Variants in PITPNC1 observed in about 807,000 individuals in gnomAD.
PITPNC1 encodes cytoplasmic phosphatidylinositol transfer protein 1.
In PITPNC1, 18 loss-of-function variants were observed where a neutral mutation model predicts 44.7. The ratio of observed to expected loss-of-function variants is 0.40; its 90% confidence interval spans 0.28 to 0.60. PITPNC1 has a LOEUF of 0.60. Among genes scored for constraint, PITPNC1 ranks in the 20% least tolerant of loss-of-function variants. The pLI is 0.39. For synonymous variants in PITPNC1, 141 were observed against 149.6 expected, an observed-to-expected ratio of 0.94 and a Z score of 0.42; for missense variants, 290 against 418.4, an observed-to-expected ratio of 0.69 and a Z score of 2.68.
At chr17:67,663,244 A>G (rs2144390101) in intron 6 of PITPNC1, among the ~76,000 whole-genome samples, 1 of 152,328 alleles carries the variant, frequency 6.6e-6, no homozygotes, top group Non-Finnish European at 1.5e-5. Context: ...TCACCCAGGA[A>G]AGAATTCAAG....
At chr17:67,443,454 T>G (rs2039045261) in intron 1 of PITPNC1, among the ~76,000 whole-genome samples, 2 of 151,918 alleles carry the variant, frequency 1.3e-5, no homozygotes, top group African/African-American at 4.8e-5. Flanking sequence ...GACTGTGATT[T>G]ATCTGTTTAC....
chr17:67,525,909 C>T (rs1448220322), intron 1 of PITPNC1, among the ~76,000 whole-genome samples: 5 of 152,128 alleles, frequency 3.3e-5, no homozygotes, highest in Non-Finnish European at 7.4e-5. Context: ...TGTGATTTCA[C>T]GTGAAATCAG....
At chr17:67,659,422 C>T (rs2042311962) in intron 6 of PITPNC1, among the ~76,000 whole-genome samples, 1 of 152,188 alleles carries the variant, frequency 6.6e-6, no homozygotes, top group Non-Finnish European at 1.5e-5. Flanking sequence ...CATGGTCTCA[C>T]CACATGGCTA....
At chr17:67,621,418 G>T (rs2041828907) in intron 5 of PITPNC1, among the ~76,000 whole-genome samples, 1 of 152,020 alleles carries the variant, frequency 6.6e-6, no homozygotes, top group Non-Finnish European at 1.5e-5. Context: ...ATGTTGGCCA[G>T]GCTGGTCTCA....
intron 1 of PITPNC1, among the ~76,000 whole-genome samples, chr17:67,453,824 A>G (rs1420327002): frequency 6.6e-6 from 1 of 152,192 alleles, no homozygotes; most frequent in African/African-American, 2.4e-5. Flanking sequence ...CATGGTAGAA[A>G]TGTGGCCTCA....
At chr17:67,432,482 CGAGA>C (rs1415710869) in intron 1 of PITPNC1, among the ~76,000 whole-genome samples, 4 of 151,844 alleles carry the variant, frequency 2.6e-5, no homozygotes, top group African/African-American at 9.7e-5. Context: ...CCAGCATGAG[CGAGA>C]GAGTGAGACT....
intron 1 of PITPNC1, among the ~76,000 whole-genome samples, chr17:67,401,778 G>T (rs892737322): frequency 1.3e-5 from 2 of 151,992 alleles, no homozygotes; most frequent in African/African-American, 4.8e-5. Context: ...AGGAGGCGGA[G>T]GTTGCAGTTA....
rs929551089 is a variant in PITPNC1 at position 67,498,975 on chromosome 17, G to A, written c.49-33827G>A. On this transcript the variant is annotated intron_variant, in intron 1 of 8. Coordinates refer to ENST00000581322, the MANE Select transcript of PITPNC1 (RefSeq NM_012417.4). The stretch of plus-strand genomic sequence containing the variant: ...CAACCTCTGCCTCCCAGGTTCAAGC[G>A]ATTCTGTTGCCTCAGCCTCCAGAGT... 1.8e-4 allele frequency among the ~76,000 whole-genome samples: 28 copies of A among 151,608 alleles called. 1 individual carries two copies. Among genetic ancestry groups the A allele is most frequent in the African/African-American group, 5.1e-4 (21 of 41,320 alleles).
At chr17:67,385,560 C>G (rs1234978478) in intron 1 of PITPNC1, among the ~76,000 whole-genome samples, 11 of 151,188 alleles carry the variant, frequency 7.3e-5, no homozygotes, top group Admixed American at 7.3e-4. Flanking sequence ...GCTGTTCACA[C>G]TAAATCTTCC....
rs575596769 is a variant in PITPNC1 at position 67,648,422 on chromosome 17, G to A, written c.462+16184G>A. ...AGGTTCTAATAAGCTCCCTTTATGG[G>A]AGGAGCTGGGTTCTTGGCCTCTCAC... is the stretch of plus-strand genomic sequence containing the variant. On this transcript the variant is annotated intron_variant, in intron 6 of 8. Coordinates refer to ENST00000581322, the MANE Select transcript of PITPNC1 (RefSeq NM_012417.4). 2.6e-5 allele frequency among the ~76,000 whole-genome samples: 4 copies of A among 152,340 alleles called. No individual in the cohort carries two copies. The South Asian group carries it at 8.3e-4, about 32-fold the overall frequency.
At chr17:67,544,197 G>T (rs1005402679) in intron 2 of PITPNC1, among the ~76,000 whole-genome samples, 2 of 152,176 alleles carry the variant, frequency 1.3e-5, no homozygotes, top group African/African-American at 4.8e-5. Flanking sequence ...TAAGTAGTAT[G>T]CCTTGACACG....
At chr17:67,461,518 T>C (rs926303014) in intron 1 of PITPNC1, among the ~76,000 whole-genome samples, 1 of 152,126 alleles carries the variant, frequency 6.6e-6, no homozygotes, top group Non-Finnish European at 1.5e-5. Flanking sequence ...ACCCATCCCG[T>C]TGTGTTGGAG....
At chr17:67,498,150 G>A (rs1178788301) in intron 1 of PITPNC1, among the ~76,000 whole-genome samples, 7 of 152,176 alleles carry the variant, frequency 4.6e-5, no homozygotes, top group African/African-American at 1.4e-4. Context: ...GATTACAGGC[G>A]TGGGCCACTG....
chr17:67,536,064 AG>A (rs1215520386), intron 2 of PITPNC1, among the ~76,000 whole-genome samples: 4 of 152,214 alleles, frequency 2.6e-5, no homozygotes, highest in African/African-American at 9.6e-5. Flanking sequence ...CAGGAAGGAG[AG>A]GGAGTTCTAG....
At chr17:67,528,984 G>C (rs1174556661) in intron 1 of PITPNC1, among the ~76,000 whole-genome samples, 1 of 152,172 alleles carries the variant, frequency 6.6e-6, no homozygotes, top group Non-Finnish European at 1.5e-5. Context: ...TTCCTTAGGA[G>C]GGGAAGAAGT....
At chr17:67,395,635 G>T (rs571283980) in intron 1 of PITPNC1, among the ~76,000 whole-genome samples, 2 of 152,310 alleles carry the variant, frequency 1.3e-5, no homozygotes, top group East Asian at 3.9e-4. Context: ...CTGATGAAAA[G>T]ACTGATGTGG....
At chr17:67,485,370 ATT>A (rs56863875) in intron 1 of PITPNC1, among the ~76,000 whole-genome samples, 43,741 of 121,532 alleles carry the variant, frequency 0.36, 6,782 homozygotes, top group Non-Finnish European at 0.38. Flanking sequence ...TAGTTGGGTG[ATT>A]TTTTTTTTTT....
intron 8 of PITPNC1, among the ~76,000 whole-genome samples, chr17:67,679,359 T>C (rs55835076): frequency 0.24 from 35,776 of 152,186 alleles, 5,341 homozygotes; most frequent in Middle Eastern, 0.37. Flanking sequence ...TTTAGACAGA[T>C]GAATTAGAAA....
chr17:67,386,764 C>G (rs2038060328), intron 1 of PITPNC1, among the ~76,000 whole-genome samples: 1 of 152,070 alleles, frequency 6.6e-6, no homozygotes, highest in African/African-American at 2.4e-5. Context: ...GCCTGGAGGT[C>G]TGTAGTGTTA....
Sources: gnomAD v4.1 joint callset for allele counts (sites outside exome capture counted in the v4.1 genomes callset) on GRCh38, gnomAD v4.1.1 for gene constraint, MANE v1.5 for transcripts, NCBI Gene and HGNC (gene_info 2026-07-23, HGNC 2026-07-21) for gene names.